Variants in NRXN3 observed in about 807,000 individuals in gnomAD.
NRXN3 encodes the protein neurexin III.
In NRXN3, 32 loss-of-function variants were observed where a neutral mutation model predicts 137.6. That is an observed-to-expected ratio of 0.23 (90% CI 0.18 to 0.31). The LOEUF is 0.31. Ranked by LOEUF, NRXN3 falls within the 10% of genes least tolerant of loss-of-function variation. NRXN3 has a pLI of 1.00. For missense variants in NRXN3, 1,574 were observed against 2,062.5 expected, an observed-to-expected ratio of 0.76 and a Z score of 4.59; for synonymous variants, 798 against 784.5, an observed-to-expected ratio of 1.02 and a Z score of -0.29.
intron 15 of NRXN3, among the ~76,000 whole-genome samples, chr14:79,396,805 C>A (rs1023669535): frequency 2.0e-5 from 3 of 152,182 alleles, no homozygotes; most frequent in Non-Finnish European, 2.9e-5. Context: ...TTTAACCCTA[C>A]TTCTTTTTCA....
chr14:79,411,726 C>T (rs1405388987), intron 15 of NRXN3, among the ~76,000 whole-genome samples: 1 of 152,148 alleles, frequency 6.6e-6, no homozygotes, highest in African/African-American at 2.4e-5. Context: ...ATTTATCTGT[C>T]ATTCATTCAT....
intron 16 of NRXN3, among the ~76,000 whole-genome samples, chr14:79,595,721 T>C (rs921823528): frequency 2.6e-5 from 4 of 152,192 alleles, no homozygotes; most frequent in African/African-American, 9.6e-5. Flanking sequence ...ATACATTAGA[T>C]GTTGAAATAA....
chr14:79,244,066 T>G (rs570962457), intron 15 of NRXN3, among the ~76,000 whole-genome samples: 1 of 152,248 alleles, frequency 6.6e-6, no homozygotes, highest in South Asian at 2.1e-4. Flanking sequence ...GCTCTATCGT[T>G]TGATGATTTT....
At chr14:78,726,515 CTTTTTTTTTT>C (rs71452901) in intron 8 of NRXN3, among the ~76,000 whole-genome samples, 1 of 102,456 alleles carries the variant, frequency 9.8e-6, no homozygotes, top group African/African-American at 3.7e-5. Flanking sequence ...ACCATTTTAG[CTTTTTTTTTT>C]TTTTTTTTTT....
chr14:79,459,815 G>A (rs1351488474), intron 15 of NRXN3, among the ~76,000 whole-genome samples: 1 of 151,926 alleles, frequency 6.6e-6, no homozygotes, highest in Admixed American at 6.6e-5. Flanking sequence ...AGAAATAATT[G>A]TCCCAAAGGA....
At chr14:78,488,379 A>T (rs2095603368) in intron 4 of NRXN3, among the ~76,000 whole-genome samples, 1 of 152,140 alleles carries the variant, frequency 6.6e-6, no homozygotes, top group Non-Finnish European at 1.5e-5. Context: ...AAAACAAAAC[A>T]CTTGATCCCT....
At chr14:78,300,695 G>A (rs1183986130) in intron 4 of NRXN3, 1 of 1,525,154 alleles carries the variant, frequency 6.6e-7, no homozygotes, top group Admixed American at 2.0e-5. Flanking sequence ...AGTAAAGGTA[G>A]AGCTCACTTT....
chr14:78,768,192 T>C (rs1222548321), intron 8 of NRXN3, among the ~76,000 whole-genome samples: 1 of 152,158 alleles, frequency 6.6e-6, no homozygotes, highest in Non-Finnish European at 1.5e-5. Context: ...AATAAATTTA[T>C]TTCTCTGTCA....
At chr14:79,546,065 G>A (rs1177769359) in intron 16 of NRXN3, among the ~76,000 whole-genome samples, 5 of 152,118 alleles carry the variant, frequency 3.3e-5, no homozygotes, top group African/African-American at 2.4e-5. Flanking sequence ...GCCATTTCAC[G>A]TAAGGTGTGA....
intron 16 of NRXN3, among the ~76,000 whole-genome samples, chr14:79,471,852 G>C (rs1337929361): frequency 1.3e-5 from 2 of 152,158 alleles, no homozygotes; most frequent in East Asian, 3.9e-4. Flanking sequence ...TGTATTTTAA[G>C]TTCAGGGGTA....
rs1243339808 is a variant in NRXN3 at position 78,934,417 on chromosome 14, G to T, written c.2276-22825G>T. 3.9e-5 allele frequency among the ~76,000 whole-genome samples: 6 copies of T among 152,090 alleles called. No individual in the cohort carries two copies. The East Asian group carries it at 9.7e-4, about 24-fold the overall frequency. On this transcript the variant is annotated intron_variant, in intron 10 of 20. Coordinates refer to ENST00000335750, the MANE Select transcript of NRXN3 (RefSeq NM_001330195.2). ...AGACATGGATGAAGAGAACCCAGGGGGTGTCTTTGCACACATGATGCTCTA... is the reference window on the plus strand; with the variant it reads ...AGACATGGATGAAGAGAACCCAGGGTGTGTCTTTGCACACATGATGCTCTA...
At chr14:79,488,975 T>C (rs1196464311) in intron 16 of NRXN3, among the ~76,000 whole-genome samples, 1 of 152,170 alleles carries the variant, frequency 6.6e-6, no homozygotes, top group Non-Finnish European at 1.5e-5. Context: ...GCCCATACCT[T>C]ACCCATCAGT....
chr14:79,543,195 G>C lies in NRXN3; in HGVS notation c.3444+75793G>C, dbSNP rs542526017. On this transcript the variant is annotated intron_variant, in intron 16 of 20. Coordinates refer to ENST00000335750, the MANE Select transcript of NRXN3 (RefSeq NM_001330195.2). Reference sequence around the variant, plus strand: ...GTTGTCATCTTCCAAGGCATCACCTGATTGCCAACTCAGGTCAGGAAGAAA... The same window carrying C: ...GTTGTCATCTTCCAAGGCATCACCTCATTGCCAACTCAGGTCAGGAAGAAA... 1.1e-4 allele frequency among the ~76,000 whole-genome samples: 17 copies of C among 152,312 alleles called. No homozygotes were observed. In the East Asian group the frequency reaches 2.9e-3, roughly 26 times the overall value.
chr14:79,562,500 G>A (rs899579735), intron 16 of NRXN3, among the ~76,000 whole-genome samples: 1 of 152,094 alleles, frequency 6.6e-6, no homozygotes, highest in Non-Finnish European at 1.5e-5. Flanking sequence ...GATACTGCCT[G>A]GTATGCAAAT....
rs949863265 is a variant in NRXN3, at chr14:79,380,149, CTTT to C, written c.3263-87056_3263-87054del. 2.7e-4 allele frequency among the ~76,000 whole-genome samples: 13 copies of C among 48,938 alleles called. No individual in the cohort carries two copies. In the South Asian group the frequency reaches 4.9e-3, roughly 18 times the overall value. The allele number at this position is 48,938 out of a possible 152,430, so 32.1% of individuals were successfully genotyped here. A position where few individuals can be genotyped will look rare whatever the true frequency, so the allele number is the denominator to read the frequency against. On this transcript the variant is annotated intron_variant, in intron 15 of 20. Coordinates refer to ENST00000335750, the MANE Select transcript of NRXN3 (RefSeq NM_001330195.2). Reference sequence around the variant, plus strand: ...AACAGGAGACCTAGATATACTTCTTCTTTTTTTTTTTTTTTTTTGGTAGATATA... The same window carrying C: ...AACAGGAGACCTAGATATACTTCTTCTTTTTTTTTTTTTTTGGTAGATATA...
chr14:79,664,093 T>G (rs964273810), intron 17 of NRXN3, 144 bp downstream of exon 17: 1 of 861,414 alleles, frequency 1.2e-6, no homozygotes. Context: ...AGAAGATAAG[T>G]CATCTCTTTA....
intron 19 of NRXN3, among the ~76,000 whole-genome samples, chr14:79,758,831 C>G (rs2099028836): frequency 1.3e-5 from 2 of 152,238 alleles, no homozygotes; most frequent in South Asian, 4.1e-4. Flanking sequence ...ATTCAAAAAC[C>G]TTTTTACCTC....
At chr14:78,342,441 G>A (rs2153582640) in intron 4 of NRXN3, among the ~76,000 whole-genome samples, 1 of 152,292 alleles carries the variant, frequency 6.6e-6, no homozygotes, top group South Asian at 2.1e-4. Context: ...AGTGGAGATG[G>A]TGATAGTAAT....
At chr14:79,073,188 G>A (rs1030906170) in intron 15 of NRXN3, among the ~76,000 whole-genome samples, 13 of 151,938 alleles carry the variant, frequency 8.6e-5, no homozygotes, top group Non-Finnish European at 1.3e-4. Flanking sequence ...CGCCCGGCCC[G>A]TCTCTAAGTT....
Sources: gnomAD v4.1 joint callset for allele counts (sites outside exome capture counted in the v4.1 genomes callset) on GRCh38, gnomAD v4.1.1 for gene constraint, MANE v1.5 for transcripts, NCBI Gene and HGNC (gene_info 2026-07-23, HGNC 2026-07-21) for gene names.